Variants in CADPS2 observed in about 807,000 individuals in gnomAD.
CADPS2 encodes calcium-dependent secretion activator 2.
Under a neutral mutation model 172.5 loss-of-function variants are expected in CADPS2, and 93 were observed. That is an observed-to-expected ratio of 0.54 (90% CI 0.46 to 0.64). The LOEUF (loss-of-function observed/expected upper bound fraction) is 0.64, where lower values mean the gene tolerates loss of function less well. Ranked by LOEUF, CADPS2 falls within the 30% of genes least tolerant of loss-of-function variation. The pLI, the probability that CADPS2 is intolerant of heterozygous loss-of-function variation, is 0.00. For synonymous variants in CADPS2, 546 were observed against 555.2 expected (o/e 0.98, Z 0.23); for missense variants, 1,420 against 1,565.9 (o/e 0.91, Z 1.57).
chr7:122,668,647 C>T (rs977430698), intron 2 of CADPS2, among the ~76,000 whole-genome samples: 5 of 152,068 alleles, frequency 3.3e-5, no homozygotes, highest in African/African-American at 1.2e-4. Flanking sequence ...TTTTAAAAAC[C>T]TCCCTTTGTC....
chr7:122,532,026 G>A lies in CADPS2; in HGVS notation c.1476-18711C>T, dbSNP rs1158781390. On this transcript the variant is annotated intron_variant, in intron 8 of 29. Coordinates refer to ENST00000449022, the MANE Select transcript of CADPS2 (RefSeq NM_017954.11). ...AGCCTGGGTGACAGAGCAAGACTCCGTCTCAAAAAAAAAAAAAACAAAACA... is the reference window on the plus strand; with the variant it reads ...AGCCTGGGTGACAGAGCAAGACTCCATCTCAAAAAAAAAAAAAACAAAACA... 1.5e-4 allele frequency among the ~76,000 whole-genome samples: 17 copies of A among 114,694 alleles called. No homozygotes were observed. The East Asian group carries it at 3.2e-3, about 22-fold the overall frequency. 75.2% of individuals were successfully genotyped at this position (114,694 alleles called of 152,430 possible).
chr7:122,321,376 T>C (rs999814904), intron 29 of CADPS2, among the ~76,000 whole-genome samples: 5 of 152,250 alleles, frequency 3.3e-5, no homozygotes, highest in Non-Finnish European at 5.9e-5. Flanking sequence ...CCATGTAGCA[T>C]AGGCTTGTCT....
At chr7:122,537,002 A>G (rs2062362234) in intron 8 of CADPS2, among the ~76,000 whole-genome samples, 1 of 152,030 alleles carries the variant, frequency 6.6e-6, no homozygotes, top group African/African-American at 2.4e-5. Context: ...GGAGAAGACC[A>G]CATACTGAGA....
At chr7:122,796,764 C>T (rs1431613786) in intron 1 of CADPS2, among the ~76,000 whole-genome samples, 1 of 151,558 alleles carries the variant, frequency 6.6e-6, no homozygotes, top group Non-Finnish European at 1.5e-5. Flanking sequence ...AAAAAAAAAC[C>T]CTGGAAGACA....
At chr7:122,759,907 C>A (rs1279579503) in intron 1 of CADPS2, among the ~76,000 whole-genome samples, 1 of 151,648 alleles carries the variant, frequency 6.6e-6, no homozygotes, top group East Asian at 1.9e-4. Flanking sequence ...AAAATAGAAG[C>A]CAACTACACA....
intron 15 of CADPS2, among the ~76,000 whole-genome samples, chr7:122,447,543 ATTTTTTTT>A (rs1159112244): frequency 0.017 from 1,495 of 89,816 alleles, 83 homozygotes; most frequent in African/African-American, 0.044. Flanking sequence ...GTTTCGGGGA[ATTTTTTTT>A]TTTTTTTTTT....
chr7:122,360,754 A>G (rs777137277), intron 27 of CADPS2, 34 bp downstream of exon 27: 2 of 1,535,468 alleles, frequency 1.3e-6, no homozygotes, highest in African/African-American at 1.4e-5. Context: ...AAAGAATTCC[A>G]TACAGTTTTA....
chr7:122,502,285 A>C (rs1000983745), intron 9 of CADPS2, among the ~76,000 whole-genome samples: 1 of 152,200 alleles, frequency 6.6e-6, no homozygotes, highest in Non-Finnish European at 1.5e-5. Flanking sequence ...AAATTTCACT[A>C]ACTAGGTCTG....
intron 8 of CADPS2, among the ~76,000 whole-genome samples, chr7:122,517,627 C>A (rs755192602): frequency 5.3e-5 from 8 of 151,898 alleles, no homozygotes; most frequent in Non-Finnish European, 8.8e-5. Context: ...CTGGTACAAC[C>A]AAGTTGAATA....
Position 122,749,837 on chromosome 7 carries a change from C to G in CADPS2, c.340-12769G>C, listed in dbSNP as rs547226197. On this transcript the variant is annotated intron_variant, in intron 1 of 29. Coordinates refer to ENST00000449022, the MANE Select transcript of CADPS2 (RefSeq NM_017954.11). ...GATTGGCATTAAAAAAACTGGATAT[C>G]TACATTAGGGTGACATAAATACATG... Among the ~76,000 whole-genome samples the G allele has an allele frequency of 6.2e-4, 94 of 151,764 alleles. 1 individual carries two copies. In the South Asian group the frequency reaches 0.019, roughly 31 times the overall value.
chr7:122,407,877 T>A (rs2046838974), intron 19 of CADPS2, 181 bp from the exon 20 acceptor site: 1 of 576,314 alleles, frequency 1.7e-6, no homozygotes, highest in Admixed American at 3.2e-5. Flanking sequence ...AATCATAGAT[T>A]TGGCACTGAG....
chr7:122,778,578 A>C (rs2093953843), intron 1 of CADPS2, among the ~76,000 whole-genome samples: 1 of 152,150 alleles, frequency 6.6e-6, no homozygotes, highest in Non-Finnish European at 1.5e-5. Flanking sequence ...GACCTGGCCC[A>C]GTGACCCTTT....
chr7:122,654,246 A>C (rs1309429488), intron 3 of CADPS2, among the ~76,000 whole-genome samples: 2 of 152,240 alleles, frequency 1.3e-5, no homozygotes, highest in Non-Finnish European at 2.9e-5. Context: ...AGCTGCAGTA[A>C]GTTATCCAGA....
chr7:122,698,120 C>T, intron 2 of CADPS2: 1 of 1,613,934 alleles, frequency 6.2e-7, no homozygotes, highest in Non-Finnish European at 8.5e-7. Flanking sequence ...CGAACTATGT[C>T]ATTAGGCTTA....
intron 28 of CADPS2, among the ~76,000 whole-genome samples, chr7:122,334,425 T>C (rs1187060702): frequency 6.6e-6 from 1 of 152,222 alleles, no homozygotes; most frequent in African/African-American, 2.4e-5. Flanking sequence ...GGGTGCGTTC[T>C]ACACTTGTTG....
intron 1 of CADPS2, among the ~76,000 whole-genome samples, chr7:122,852,340 G>A (rs751520360): frequency 1.1e-4 from 16 of 152,150 alleles, no homozygotes; most frequent in African/African-American, 3.9e-4. Context: ...AAACTGACAG[G>A]AGAATTTTTA....
At chr7:122,722,194 C>T (rs1239494144) in intron 2 of CADPS2, among the ~76,000 whole-genome samples, 10 of 151,882 alleles carry the variant, frequency 6.6e-5, no homozygotes, top group African/African-American at 2.4e-4. Flanking sequence ...CTGGCCAGGG[C>T]AATCAGGCAG....
chr7:122,575,402 G>C (rs552464547), intron 7 of CADPS2, among the ~76,000 whole-genome samples: 1 of 151,626 alleles, frequency 6.6e-6, no homozygotes, highest in African/African-American at 2.4e-5. Context: ...GTGATGTAAG[G>C]AAATGTTCAA....
At chr7:122,438,270 C>T in intron 17 of CADPS2, 71 bp downstream of exon 17, 1 of 1,584,842 alleles carries the variant, frequency 6.3e-7, no homozygotes, top group African/African-American at 1.3e-5. Context: ...GAAAGGACTT[C>T]TCATAGAAAA....
Sources: gnomAD v4.1 joint callset for allele counts (sites outside exome capture counted in the v4.1 genomes callset) on GRCh38, gnomAD v4.1.1 for gene constraint, MANE v1.5 for transcripts, NCBI Gene and HGNC (gene_info 2026-07-23, HGNC 2026-07-21) for gene names.